DAB1: variants seen among roughly 807,000 people sequenced by gnomAD.
DAB1 encodes the protein DAB adaptor protein 1, also known as disabled homolog 1.
In DAB1, 15 loss-of-function variants were observed where a neutral mutation model predicts 64.6. That is an observed-to-expected ratio of 0.23 (90% CI 0.16 to 0.36). The LOEUF is 0.36. DAB1 is among the 10% of genes least tolerant of loss of function. The probability of loss-of-function intolerance (pLI) is 1.00; values close to 1 mark genes in which losing one functional copy is unlikely to be tolerated. For missense variants in DAB1, 596 were observed against 706.7 expected (o/e 0.84, Z 1.78); for synonymous variants, 235 against 251.9 (o/e 0.93, Z 0.64).
chr1:57,128,161 AAATAAATAAAT>A (rs1557770673), intron 4 of DAB1, among the ~76,000 whole-genome samples: 2,194 of 146,432 alleles, frequency 0.015, 59 homozygotes, highest in African/African-American at 0.052. Context: ...AAAAATAAAT[AAATAAATAAAT>A]AAATAAATAA....
intron 1 of DAB1, among the ~76,000 whole-genome samples, chr1:57,302,000 A>C (rs1377942523): frequency 6.6e-6 from 1 of 152,096 alleles, no homozygotes; most frequent in Non-Finnish European, 1.5e-5. Context: ...CTCCTCAAAC[A>C]TCATATTTTT....
At chr1:57,662,674 C>A (rs74075803) in intron 6 of DAB1, among the ~76,000 whole-genome samples, 3,327 of 152,332 alleles carry the variant, frequency 0.022, 113 homozygotes, top group African/African-American at 0.076. Context: ...TGAGCTGAAT[C>A]TCATCTAGGC....
intron 2 of DAB1, among the ~76,000 whole-genome samples, chr1:57,172,271 A>G (rs892034717): frequency 6.6e-6 from 1 of 152,208 alleles, no homozygotes; most frequent in Non-Finnish European, 1.5e-5. Context: ...ACAGGGAGTT[A>G]GGACTTCAAC....
At chr1:57,509,266 T>C (rs1040802431) in intron 7 of DAB1, among the ~76,000 whole-genome samples, 1 of 152,106 alleles carries the variant, frequency 6.6e-6, no homozygotes, top group Admixed American at 6.5e-5. Context: ...TTCACTTTCC[T>C]CTCTTTATTT....
chr1:58,455,955 G>C (rs945910625), intron 3 of DAB1, among the ~76,000 whole-genome samples: 5 of 152,234 alleles, frequency 3.3e-5, no homozygotes, highest in Admixed American at 2.0e-4. Flanking sequence ...AGTCAGCCCA[G>C]AGCAGGGCCC....
intron 3 of DAB1, among the ~76,000 whole-genome samples, chr1:58,428,758 T>A (rs1345262259): frequency 6.6e-6 from 1 of 152,258 alleles, no homozygotes; most frequent in Non-Finnish European, 1.5e-5. Flanking sequence ...TGCTAGAGCA[T>A]GTACATTTAT....
intron 7 of DAB1, among the ~76,000 whole-genome samples, chr1:57,634,984 G>C (rs1476792870): frequency 1.3e-5 from 2 of 152,178 alleles, no homozygotes; most frequent in African/African-American, 4.8e-5. Flanking sequence ...CAGATGTCTG[G>C]AGGACAGTCT....
At chr1:57,689,044 T>C (rs1172121238) in intron 6 of DAB1, among the ~76,000 whole-genome samples, 9 of 152,190 alleles carry the variant, frequency 5.9e-5, no homozygotes. Flanking sequence ...CACCTGCACA[T>C]GTACCCATTG....
intron 3 of DAB1, among the ~76,000 whole-genome samples, chr1:57,141,215 C>T (rs1379872931): frequency 6.6e-6 from 1 of 152,142 alleles, no homozygotes; most frequent in Non-Finnish European, 1.5e-5. Flanking sequence ...ATATAAGTAT[C>T]TTTCTCTGTC....
intron 6 of DAB1, among the ~76,000 whole-genome samples, chr1:57,818,665 G>A (rs944336743): frequency 1.3e-5 from 2 of 151,720 alleles, no homozygotes; most frequent in East Asian, 1.9e-4. Flanking sequence ...CAGGTGAAAC[G>A]GAAGTTGCCC....
At chr1:57,945,331 C>A (rs1291927823) in intron 5 of DAB1, among the ~76,000 whole-genome samples, 2 of 152,080 alleles carry the variant, frequency 1.3e-5, no homozygotes, top group African/African-American at 4.8e-5. Context: ...TTGTTCATAG[C>A]TCACTGCAGC....
Position 57,785,563 on chromosome 1 carries a change from T to C in DAB1, n.551+98436A>G, listed in dbSNP as rs557697032. On this transcript the variant is annotated intron_variant and non_coding_transcript_variant, in intron 6 of 20. Coordinates refer to the DAB1 transcript ENST00000485760. ...CTTCATGGATGACTTTGAAAAGGGGTTCAAGATTTCAGTGGAGGAAGAAAC... is the reference window on the plus strand; with the variant it reads ...CTTCATGGATGACTTTGAAAAGGGGCTCAAGATTTCAGTGGAGGAAGAAAC... 5.9e-5 allele frequency among the ~76,000 whole-genome samples: 9 copies of C among 152,124 alleles called. No individual in the cohort carries two copies. The South Asian group carries it at 1.5e-3, about 25-fold the overall frequency.
intron 6 of DAB1, among the ~76,000 whole-genome samples, chr1:57,707,092 CA>C (rs1196264293): frequency 1.3e-5 from 2 of 151,748 alleles, no homozygotes; most frequent in Admixed American, 6.6e-5. Context: ...AACAAACAAA[CA>C]AAAAAACCCC....
intron 5 of DAB1, among the ~76,000 whole-genome samples, chr1:57,923,303 T>C (rs572157139): frequency 2.6e-5 from 4 of 152,286 alleles, no homozygotes; most frequent in Admixed American, 2.0e-4. Flanking sequence ...ACGTGTGTTA[T>C]GTATATTATC....
At chr1:57,241,368 A>T (rs947614671) in intron 2 of DAB1, among the ~76,000 whole-genome samples, 24 of 152,230 alleles carry the variant, frequency 1.6e-4, no homozygotes, top group African/African-American at 5.8e-4. Flanking sequence ...TCCCTTCCTT[A>T]TCAGTGTCTT....
At chr1:57,474,939 C>T (rs1461149605) in intron 7 of DAB1, among the ~76,000 whole-genome samples, 7 of 151,948 alleles carry the variant, frequency 4.6e-5, no homozygotes, top group Non-Finnish European at 7.4e-5. Context: ...GCCTGTGCTC[C>T]GTAAAGAAGA....
chr1:58,180,400 C>T (rs1656727883), intron 4 of DAB1, among the ~76,000 whole-genome samples: 1 of 141,222 alleles, frequency 7.1e-6, no homozygotes, highest in Non-Finnish European at 1.5e-5. Context: ...TTAAGTGATC[C>T]TCTAATATTA....
chr1:57,017,175 G>A (rs1570506503), intron 11 of DAB1, among the ~76,000 whole-genome samples: 1 of 152,196 alleles, frequency 6.6e-6, no homozygotes, highest in African/African-American at 2.4e-5. Context: ...CTTCTCAGGG[G>A]ACACAATGGC....
At chr1:57,893,516 C>T (rs1644348339) in intron 5 of DAB1, among the ~76,000 whole-genome samples, 1 of 152,118 alleles carries the variant, frequency 6.6e-6, no homozygotes, top group African/African-American at 2.4e-5. Context: ...CAGCCCTGGT[C>T]CCTGCCCTCA....
Sources: gnomAD v4.1 joint callset for allele counts (sites outside exome capture counted in the v4.1 genomes callset) on GRCh38, gnomAD v4.1.1 for gene constraint, MANE v1.5 for transcripts, NCBI Gene and HGNC (gene_info 2026-07-23, HGNC 2026-07-21) for gene names.